INSR: variants seen among roughly 807,000 people sequenced by gnomAD.
The protein encoded by INSR is insulin receptor.
In INSR, 67 loss-of-function variants were observed where a neutral mutation model predicts 142.6. The ratio of observed to expected loss-of-function variants is 0.47; its 90% CI spans 0.39 to 0.58. The LOEUF is 0.58. INSR is among the 20% of genes least tolerant of loss of function. The pLI is 0.00. For missense variants in INSR, 1,248 were observed against 1,833.2 expected (o/e 0.68, Z 5.83); for synonymous variants, 756 against 743.1 (o/e 1.02, Z -0.28).
intron 11 of INSR, among the ~76,000 whole-genome samples, chr19:7,149,619 C>T (rs1458091191): frequency 6.6e-6 from 1 of 152,020 alleles, no homozygotes; most frequent in African/African-American, 2.4e-5. Flanking sequence ...GTCGGGAGAT[C>T]GAGACCAGCC....
intron 2 of INSR, among the ~76,000 whole-genome samples, chr19:7,232,796 C>A (rs1976025813): frequency 1.3e-5 from 2 of 151,100 alleles, no homozygotes; most frequent in Admixed American, 6.6e-5. Context: ...GGCAACAGTG[C>A]AAGACTCCGT....
chr19:7,114,909 G>GGTATTT lies in INSR; in HGVS notation c.*2146_*2147insAAATAC, dbSNP rs1568422001. The GGTATTT allele has an allele frequency of 1.3e-5, 2 of 149,924 alleles. No individual in the cohort carries two copies. Among genetic ancestry groups the GGTATTT allele is most frequent in the Non-Finnish European group, 3.0e-5 (2 of 67,462 alleles). 9.3% of individuals were successfully genotyped at this position (149,924 alleles called of 1,614,324 possible). ...GAGAACAAAATACCTAGTTCTACGT[G>GGTATTT]TTTTTTTTTTAAATTTAGGTACAGA... On this transcript the variant is annotated 3_prime_UTR_variant, in exon 22 of 22. Transcript: ENST00000302850.
At position 7,115,268 on chromosome 19, in the gene INSR, TG is replaced by T. The variant is rs1972295696; in HGVS notation, c.*1787del. 1 of 152,256 alleles carries T rather than the reference TG, an allele frequency of 6.6e-6. No individual in the cohort carries two copies. The highest frequency in any genetic ancestry group is 2.4e-5 in the African/African-American group (1 of 41,476). The allele number at this position is 152,256 out of a possible 1,614,324, so 9.4% of individuals were successfully genotyped here. A position where few individuals can be genotyped will look rare whatever the true frequency, so the allele number is the denominator to read the frequency against. On this transcript the variant is annotated 3_prime_UTR_variant, in exon 22 of 22. Transcript: ENST00000302850. ...TGATGAACCAAAGTGATGAGTTCAC[TG>T]TGTTCTTTGAGCAGCTGTGGTGGTT...
Position 7,200,817 on chromosome 19 carries a change from G to A in INSR, c.653-16180C>T, listed in dbSNP as rs149638600. ...TGAGGCTGCAGTGAGCTAGGATCACGCCACTGCACTCCAGCCTGGGTAACA... is the reference window on the plus strand; with the variant it reads ...TGAGGCTGCAGTGAGCTAGGATCACACCACTGCACTCCAGCCTGGGTAACA... On this transcript the variant is annotated intron_variant, in intron 2 of 21. Transcript: ENST00000302850. Among the ~76,000 whole-genome samples, 67 of 140,924 alleles carry A rather than the reference G, an allele frequency of 4.8e-4. 1 individual carries two copies. The East Asian group carries it at 0.013, about 27-fold the overall frequency. The allele number at this position is 140,924 out of a possible 152,430, so 92.5% of individuals were successfully genotyped here.
At chr19:7,260,549 G>T (rs1448732848) in intron 2 of INSR, among the ~76,000 whole-genome samples, 1 of 152,258 alleles carries the variant, frequency 6.6e-6, no homozygotes, top group South Asian at 2.1e-4. Context: ...TCAGCAGGTC[G>T]CAAGATACAT....
chr19:7,194,287 G>A (rs1974677745), intron 2 of INSR, among the ~76,000 whole-genome samples: 1 of 151,872 alleles, frequency 6.6e-6, no homozygotes, highest in South Asian at 2.1e-4. Flanking sequence ...CGTGGTGGTA[G>A]GCACCTATAA....
chr19:7,232,426 T>G (rs1976007936), intron 2 of INSR, among the ~76,000 whole-genome samples: 1 of 152,126 alleles, frequency 6.6e-6, no homozygotes, highest in African/African-American at 2.4e-5. Flanking sequence ...ATTCCCGACC[T>G]CAAGTGATCT....
At chr19:7,163,636 G>A (rs1039613282) in intron 8 of INSR, among the ~76,000 whole-genome samples, 8 of 151,678 alleles carry the variant, frequency 5.3e-5, no homozygotes, top group Non-Finnish European at 1.0e-4. Flanking sequence ...CCAAAGTAAC[G>A]GAGGTGGCCG....
intron 10 of INSR, 38 bp downstream of exon 10, chr19:7,152,688 T>A: frequency 6.4e-7 from 1 of 1,553,210 alleles, no homozygotes; most frequent in African/African-American, 1.4e-5. Context: ...ACCAAGCCAA[T>A]TGGCACCCAC....
intron 2 of INSR, among the ~76,000 whole-genome samples, chr19:7,214,425 T>TAAAGTTA (rs1291068106): frequency 1.3e-5 from 2 of 152,142 alleles, no homozygotes; most frequent in Admixed American, 6.5e-5. Flanking sequence ...ATGTTAGCAT[T>TAAAGTTA]AAAGTTAAAA....
At chr19:7,180,787 C>T (rs1186240820) in intron 3 of INSR, among the ~76,000 whole-genome samples, 2 of 152,024 alleles carry the variant, frequency 1.3e-5, no homozygotes, top group African/African-American at 4.8e-5. Context: ...GGAAAAGCTC[C>T]TGCGGTAACG....
chr19:7,268,163 G>A (rs1436158731), intron 1 of INSR, among the ~76,000 whole-genome samples: 1 of 152,108 alleles, frequency 6.6e-6, no homozygotes. Context: ...CTGAAATGAT[G>A]CAGTCGGGAC....
chr19:7,148,553 C>T (rs1464125131), intron 11 of INSR, among the ~76,000 whole-genome samples: 1 of 140,758 alleles, frequency 7.1e-6, no homozygotes, highest in Non-Finnish European at 1.5e-5. Flanking sequence ...TCTCGGCTCA[C>T]CGCAACCTCC....
Position 7,267,559 on chromosome 19 carries a change from G to A in INSR, c.438C>T (p.Ile146=). Residue 146 remains isoleucine (I), a synonymous_variant, in exon 2 of 22, where the codon ATC becomes ATT. Transcript: ENST00000302850. This position sits in a 1 kb window ranked among gnomAD's most constrained non-coding sequence, Gnocchi z 6.3. The stretch of plus-strand genomic sequence containing the variant: ...AGTAACAGAGCTCATTGTTCTTCTC[G>A]ATGCGGACAGAACCCCGGGTGATGT... ...LMNITRGSVR[I]EKNNELCYLA... is the part of the protein sequence containing the mutation. The A allele has an allele frequency of 1.2e-6, 2 of 1,614,050 alleles. No homozygotes were observed. The highest frequency in any genetic ancestry group is 1.6e-4 in the Middle Eastern group (1 of 6,062).
At chr19:7,241,167 ATTTT>A (rs1976326538) in intron 2 of INSR, among the ~76,000 whole-genome samples, 1 of 127,880 alleles carries the variant, frequency 7.8e-6, no homozygotes, top group African/African-American at 2.9e-5. Flanking sequence ...TTCACTTTTT[ATTTT>A]ATTTTGTTTT....
intron 11 of INSR, among the ~76,000 whole-genome samples, chr19:7,148,477 CTTTT>C (rs71177160): frequency 2.1e-5 from 2 of 95,046 alleles, no homozygotes; most frequent in Non-Finnish European, 3.7e-5. Flanking sequence ...TGTATTTATT[CTTTT>C]TTTTTTTTTT....
At chr19:7,139,821 CTTT>C (rs10673049) in intron 13 of INSR, among the ~76,000 whole-genome samples, 1 of 115,732 alleles carries the variant, frequency 8.6e-6, no homozygotes. Flanking sequence ...GTTGCGTATT[CTTT>C]TTTTTTTTTT....
chr19:7,245,216 G>A (rs1409107793), intron 2 of INSR, among the ~76,000 whole-genome samples: 4 of 151,962 alleles, frequency 2.6e-5, no homozygotes, highest in East Asian at 1.9e-4. Context: ...GATTACAGGC[G>A]TGAGCCACCG....
At chr19:7,170,498 G>C (rs373463059) in intron 6 of INSR, 39 bp downstream of exon 6, 1 of 1,500,852 alleles carries the variant, frequency 6.7e-7, no homozygotes, top group South Asian at 1.1e-5. Flanking sequence ...CCACTACACC[G>C]GTCCCTCATG....
Sources: allele counts gnomAD v4.1 joint callset (sites outside exome capture counted in the v4.1 genomes callset), GRCh38; gene constraint gnomAD v4.1.1; non-coding constraint Gnocchi (gnomAD v3.1); transcripts MANE v1.5; gene names NCBI Gene and HGNC (gene_info 2026-07-23, HGNC 2026-07-21).